The following TENM2 variants were observed in gnomAD, a reference collection of about 807,000 sequenced individuals.
The protein encoded by TENM2 is teneurin-2.
TENM2 carries 52 observed loss-of-function variants against 245.2 expected under a neutral mutation model. The ratio of observed to expected loss-of-function variants is 0.21; its 90% CI spans 0.17 to 0.27. The LOEUF is 0.27. TENM2 is among the 10% of genes least tolerant of loss of function. The pLI is 1.00. For missense variants in TENM2, 3,046 were observed against 3,666.8 expected, an observed-to-expected ratio of 0.83 and a Z score of 4.37; for synonymous variants, 1,363 against 1,438.9, an observed-to-expected ratio of 0.95 and a Z score of 1.19.
chr5:167,285,427 T>A (rs549476649), intron 1 of TENM2, among the ~76,000 whole-genome samples: 13 of 152,316 alleles, frequency 8.5e-5, no homozygotes, highest in African/African-American at 2.6e-4. Flanking sequence ...AATATGATGT[T>A]AATTCTGAGT....
intron 2 of TENM2, among the ~76,000 whole-genome samples, chr5:167,383,526 C>G (rs769221537): frequency 6.6e-6 from 1 of 151,968 alleles, no homozygotes; most frequent in Non-Finnish European, 1.5e-5. Flanking sequence ...GTGGGGAATC[C>G]GCTTTCCTTG....
the TENM2 span, among the ~76,000 whole-genome samples, chr5:167,177,702 G>A: frequency 6.6e-6 from 1 of 152,178 alleles, no homozygotes; most frequent in Non-Finnish European, 1.5e-5. Flanking sequence ...TTCGTGTCAG[G>A]GAAAGCAGTT....
At chr5:168,114,486 G>T (rs1025572361) in intron 9 of TENM2, among the ~76,000 whole-genome samples, 2 of 152,272 alleles carry the variant, frequency 1.3e-5, no homozygotes, top group Admixed American at 6.5e-5. Flanking sequence ...CCAGCCTCTT[G>T]AACAAAACAT....
At chr5:167,203,347 C>T in the TENM2 span, among the ~76,000 whole-genome samples, 3 of 152,274 alleles carry the variant, frequency 2.0e-5, no homozygotes, top group East Asian at 5.8e-4. Context: ...TCCTGCTGGT[C>T]AAAATCTATG....
chr5:167,999,244 T>A (rs888242125), intron 5 of TENM2, among the ~76,000 whole-genome samples: 2 of 152,288 alleles, frequency 1.3e-5, no homozygotes, highest in East Asian at 1.9e-4. Flanking sequence ...ATGCTAATGA[T>A]TAAATCTGAA....
At chr5:167,630,617 AT>A (rs1439537395) in intron 2 of TENM2, among the ~76,000 whole-genome samples, 1 of 152,170 alleles carries the variant, frequency 6.6e-6, no homozygotes, top group Non-Finnish European at 1.5e-5. Flanking sequence ...TGGGCAATAT[AT>A]GGTGATTTTT....
intron 2 of TENM2, among the ~76,000 whole-genome samples, chr5:167,465,475 T>C (rs547624061): frequency 2.6e-5 from 4 of 152,342 alleles, no homozygotes; most frequent in African/African-American, 9.6e-5. Context: ...ACTGGGACTC[T>C]CTATCCATCC....
intron 25 of TENM2, among the ~76,000 whole-genome samples, chr5:168,239,120 G>A (rs1286743305): frequency 6.6e-6 from 1 of 152,160 alleles, no homozygotes; most frequent in Non-Finnish European, 1.5e-5. Context: ...AACTGGGGGG[G>A]CAGGTATCCT....
chr5:168,069,209 C>T (rs1245763950), intron 7 of TENM2, among the ~76,000 whole-genome samples: 1 of 152,140 alleles, frequency 6.6e-6, no homozygotes, highest in Non-Finnish European at 1.5e-5. Context: ...GCTTGTATGA[C>T]TTTATCTGAG....
intron 1 of TENM2, among the ~76,000 whole-genome samples, chr5:167,362,165 A>G (rs1301859166): frequency 6.6e-6 from 1 of 152,198 alleles, no homozygotes; most frequent in Non-Finnish European, 1.5e-5. Flanking sequence ...TAGGAAAGGA[A>G]GAAAAGGAAA....
At chr5:167,131,948 G>A in the TENM2 span, among the ~76,000 whole-genome samples, 3 of 152,146 alleles carry the variant, frequency 2.0e-5, no homozygotes, top group South Asian at 6.2e-4. Context: ...TCAGCCTCCT[G>A]AGTAGCTAGG....
chr5:167,184,175 T>G, the TENM2 span, among the ~76,000 whole-genome samples: 129 of 152,352 alleles, frequency 8.5e-4, no homozygotes, highest in East Asian at 0.01. Flanking sequence ...AAATGAATTC[T>G]TAGCTCGGAA....
chr5:167,817,447 A>T (rs1203097255), intron 2 of TENM2, among the ~76,000 whole-genome samples: 1 of 152,206 alleles, frequency 6.6e-6, no homozygotes, highest in Non-Finnish European at 1.5e-5. Context: ...TTAATAACTT[A>T]TATGTGTGAT....
the TENM2 span, among the ~76,000 whole-genome samples, chr5:167,125,259 C>T: frequency 6.6e-6 from 1 of 152,222 alleles, no homozygotes; most frequent in African/African-American, 2.4e-5. Context: ...CAGAACTCTG[C>T]TCACTCTCAC....
intron 2 of TENM2, among the ~76,000 whole-genome samples, chr5:167,801,109 A>AAATATATATAT (rs1444227809): frequency 1.5e-5 from 1 of 66,556 alleles, no homozygotes; most frequent in Non-Finnish European, 2.7e-5. Flanking sequence ...AAAAAAAAAA[A>AAATATATATAT]ATATATATAT....
At position 168,127,653 on chromosome 5, in the gene TENM2, G is replaced by A. The variant is rs138030020; in HGVS notation, c.2422+687G>A. 9.9e-5 allele frequency among the ~76,000 whole-genome samples: 15 copies of A among 152,252 alleles called. No homozygotes were observed. The East Asian group carries it at 2.1e-3, about 22-fold the overall frequency. On this transcript the variant is annotated intron_variant, in intron 12 of 28. Transcript: ENST00000518659. ...AGGGTAGGACTATACTGGATTAAAC[G>A]TACCTAATCATCCCTTTGGTAGAGA...
the TENM2 span, among the ~76,000 whole-genome samples, chr5:166,987,420 GGT>G: frequency 0.1 from 15,408 of 146,986 alleles, 861 homozygotes; most frequent in Middle Eastern, 0.2. Flanking sequence ...GTTTAGTAAG[GGT>G]GTGTGTGTGT....
the TENM2 span, among the ~76,000 whole-genome samples, chr5:167,024,992 C>A: frequency 6.6e-6 from 1 of 152,032 alleles, no homozygotes; most frequent in Non-Finnish European, 1.5e-5. Flanking sequence ...TGCTCAAGTC[C>A]CACCCCCAAA....
the TENM2 span, among the ~76,000 whole-genome samples, chr5:167,009,559 C>T: frequency 2.6e-5 from 4 of 152,252 alleles, no homozygotes; most frequent in East Asian, 1.9e-4. Flanking sequence ...GTGATAGAAT[C>T]GTTGAATGGC....
Sources: allele counts gnomAD v4.1 joint callset (sites outside exome capture counted in the v4.1 genomes callset), GRCh38; gene constraint gnomAD v4.1.1; transcripts MANE v1.5; gene names NCBI Gene and HGNC (gene_info 2026-07-23, HGNC 2026-07-21).